Variants in DAAM1 observed in about 807,000 individuals in gnomAD.
The protein encoded by DAAM1 is dishevelled associated activator of morphogenesis 1, also known as disheveled-associated activator of morphogenesis 1.
In DAAM1, 52 loss-of-function variants were observed where a neutral mutation model predicts 130.0. The ratio of observed to expected loss-of-function variants is 0.40; its 90% CI spans 0.32 to 0.50. The LOEUF is 0.50. Among genes scored for constraint, DAAM1 ranks in the 20% least tolerant of loss-of-function variants. The pLI is 0.61. For synonymous variants in DAAM1, 452 were observed against 444.5 expected (o/e 1.02, Z -0.21); for missense variants, 1,134 against 1,303.8 (o/e 0.87, Z 2.01).
intron 3 of DAAM1, among the ~76,000 whole-genome samples, chr14:59,296,787 A>ATT (rs1319548446): frequency 6.6e-6 from 1 of 152,074 alleles, no homozygotes; most frequent in East Asian, 1.9e-4. Context: ...TTTGATTTCT[A>ATT]TTTTGTTTCT....
Position 59,367,515 on chromosome 14 carries a change from A to T in DAAM1, c.2913A>T (p.Gln971His). The part of the protein sequence containing the change: ...EFFGIFDQFL[Q>H]AVSEAKQENE... ...TTGGCATTTTTGATCAATTTCTTCA[A>T]GCTGTGTCAGAAGCCAAACAAGAAA... The change falls in exon 24 of 25, where the codon CAA becomes CAT. Residue 971 changes from glutamine (Q) to histidine (H), a missense_variant. Transcript: ENST00000360909. 6.2e-7 allele frequency: 1 copy of T among 1,614,066 alleles called. No homozygotes were observed. Among genetic ancestry groups the T allele is most frequent in the South Asian group, 1.1e-5 (1 of 91,070 alleles).
chr14:59,193,615 T>C (rs1887798808), intron 1 of DAAM1, among the ~76,000 whole-genome samples: 1 of 152,158 alleles, frequency 6.6e-6, no homozygotes, highest in Non-Finnish European at 1.5e-5. Context: ...CAGCAACAAG[T>C]GTGCAGAGCC....
chr14:59,316,551 A>C (rs1279121282), intron 4 of DAAM1, among the ~76,000 whole-genome samples: 1 of 152,226 alleles, frequency 6.6e-6, no homozygotes, highest in East Asian at 1.9e-4. Context: ...CATAGCAGAA[A>C]TGGACAGAAA....
chr14:59,209,453 G>A (rs577531040), intron 1 of DAAM1, among the ~76,000 whole-genome samples: 2 of 152,308 alleles, frequency 1.3e-5, no homozygotes, highest in African/African-American at 2.4e-5. Flanking sequence ...CCCGACTTAC[G>A]ATGGTTCCAC....
Position 59,353,803 on chromosome 14 carries a change from AC to A in DAAM1, c.2268-71del. On this transcript the variant is annotated intron_variant, in intron 18 of 24. Transcript: ENST00000360909. The stretch of plus-strand genomic sequence containing the variant: ...GGGGGAGGTGCTTCTAGGTACCTCC[AC>A]CTCCATATCTGTTATTAAGTGAACC... 3 of 1,437,234 alleles carry A rather than the reference AC, an allele frequency of 2.1e-6. No homozygotes were observed. The South Asian group carries it at 3.7e-5, about 18-fold the overall frequency. 89.0% of individuals were successfully genotyped at this position (1,437,234 alleles called of 1,614,324 possible). A position where few individuals can be genotyped will look rare whatever the true frequency, so the allele number is the denominator to read the frequency against.
intron 15 of DAAM1, among the ~76,000 whole-genome samples, chr14:59,332,308 A>G (rs1395943925): frequency 1.3e-5 from 2 of 152,244 alleles, no homozygotes; most frequent in Admixed American, 6.5e-5. Flanking sequence ...TTAAAAATAC[A>G]TATCAAATGG....
At chr14:59,286,201 A>C (rs1883443828) in intron 2 of DAAM1, among the ~76,000 whole-genome samples, 1 of 152,206 alleles carries the variant, frequency 6.6e-6, no homozygotes, top group Non-Finnish European at 1.5e-5. Flanking sequence ...TTAAGGCAAA[A>C]GTATAAAAAT....
At chr14:59,317,187 T>G (rs754516627) in intron 4 of DAAM1, among the ~76,000 whole-genome samples, 1 of 152,248 alleles carries the variant, frequency 6.6e-6, no homozygotes, top group African/African-American at 2.4e-5. Context: ...GCTATACTTT[T>G]TGTGTCAAAC....
chr14:59,287,410 C>T (rs566699182), intron 2 of DAAM1, among the ~76,000 whole-genome samples: 7 of 152,210 alleles, frequency 4.6e-5, no homozygotes, highest in East Asian at 1.9e-4. Context: ...TTCTATGCAA[C>T]GTGGTATTGG....
chr14:59,272,395 A>G (rs1232786562), intron 2 of DAAM1, among the ~76,000 whole-genome samples: 1 of 152,128 alleles, frequency 6.6e-6, no homozygotes, highest in Admixed American at 6.6e-5. Context: ...CCTGGCCAAC[A>G]TGGTGAAACC....
At chr14:59,197,065 C>T (rs1227445952) in intron 1 of DAAM1, among the ~76,000 whole-genome samples, 1 of 152,080 alleles carries the variant, frequency 6.6e-6, no homozygotes, top group East Asian at 1.9e-4. Flanking sequence ...GGACTACAGG[C>T]GCCTGCCACC....
chr14:59,303,550 G>C (rs1884261295), intron 3 of DAAM1, among the ~76,000 whole-genome samples: 1 of 152,120 alleles, frequency 6.6e-6, no homozygotes, highest in African/African-American at 2.4e-5. Context: ...TGAACAATTG[G>C]GGGTGGATGC....
At chr14:59,294,517 G>A (rs181280779) in intron 3 of DAAM1, among the ~76,000 whole-genome samples, 16 of 152,004 alleles carry the variant, frequency 1.1e-4, no homozygotes, top group Admixed American at 2.6e-4. Flanking sequence ...AAAACTTACC[G>A]GACTGGTTGG....
chr14:59,269,408 C>G (rs973006366), intron 2 of DAAM1, among the ~76,000 whole-genome samples: 1 of 152,208 alleles, frequency 6.6e-6, no homozygotes, highest in Non-Finnish European at 1.5e-5. Flanking sequence ...TGGTGCCATA[C>G]ATTACACAGG....
At position 59,340,133 on chromosome 14, in the gene DAAM1, G is replaced by A. The variant is rs147145833; in HGVS notation, c.2028G>A (p.Ser676=). Residue 676 remains serine (S), a synonymous_variant, in exon 16 of 25, where the codon TCG becomes TCA. Coordinates refer to ENST00000360909, the MANE Select transcript of DAAM1 (RefSeq NM_001270520.2). The part of the protein sequence containing the change: ...LSSKLKVKEL[S]VIDGRRAQNC... Reference sequence around the variant, plus strand: ...CCAAACTTAAAGTTAAAGAGCTTTCGGTGATTGATGGTCGGAGAGCTCAGA... The same window carrying A: ...CCAAACTTAAAGTTAAAGAGCTTTCAGTGATTGATGGTCGGAGAGCTCAGA... 8.7e-5 allele frequency: 141 copies of A among 1,613,490 alleles called. No individual in the cohort carries two copies. In the East Asian group the frequency reaches 2.0e-3, roughly 23 times the overall value.
At chr14:59,313,211 T>C (rs1233876506) in intron 3 of DAAM1, among the ~76,000 whole-genome samples, 1 of 152,198 alleles carries the variant, frequency 6.6e-6, no homozygotes, top group African/African-American at 2.4e-5. Context: ...ACATGGCTCC[T>C]GCAGCACACA....
intron 24 of DAAM1, 21 bp from the exon 25 acceptor site, chr14:59,368,629 G>T: frequency 3.1e-6 from 5 of 1,604,900 alleles, no homozygotes; most frequent in Middle Eastern, 1.7e-4. Flanking sequence ...TCTCAAAGAG[G>T]TTATTTCTTT....
chr14:59,253,996 A>G (rs1881759634), intron 1 of DAAM1, among the ~76,000 whole-genome samples: 1 of 152,184 alleles, frequency 6.6e-6, no homozygotes, highest in Non-Finnish European at 1.5e-5. Flanking sequence ...CTAATAATAT[A>G]TTTCTTTTTT....
In DAAM1 at chr14:59,330,620, A is replaced by G. The variant is rs1885390463; in HGVS notation, c.1492A>G (p.Thr498Ala). Reference protein sequence around the residue: ...NKMKEKLEKETTEHKQVKQQV... With the variant: ...NKMKEKLEKEATEHKQVKQQV... ...AATGAAAGAGAAACTTGAAAAGGAGACTACTGAGCATAAGCAAGTCAAGCA... is the reference window on the plus strand; with the variant it reads ...AATGAAAGAGAAACTTGAAAAGGAGGCTACTGAGCATAAGCAAGTCAAGCA... The change falls in exon 13 of 25, where the codon ACT becomes GCT. Residue 498 changes from threonine (T) to alanine (A), a missense_variant. By Grantham distance (58) the Thr-to-Ala change is moderately conservative. Around this residue, in one of 3 missense-constraint regions of DAAM1, gnomAD observed 644 missense variants for 695.9 expected, o/e 0.93. Transcript: ENST00000360909. The G allele has an allele frequency of 1.2e-6, 2 of 1,614,040 alleles. No individual in the cohort carries two copies. The highest frequency in any genetic ancestry group is 1.1e-5 in the South Asian group (1 of 91,076).
Sources: allele counts gnomAD v4.1 joint callset (sites outside exome capture counted in the v4.1 genomes callset), GRCh38; gene constraint gnomAD v4.1.1; regional missense constraint gnomAD v4.1.1; transcripts MANE v1.5; gene names NCBI Gene and HGNC (gene_info 2026-07-23, HGNC 2026-07-21).